The following TBC1D14 variants were observed in gnomAD, a reference collection of about 807,000 sequenced individuals.
TBC1D14 encodes TBC1 domain family, member 14.
TBC1D14 carries 26 observed loss-of-function variants against 79.0 expected under a neutral mutation model. The ratio of observed to expected loss-of-function variants is 0.33; its 90% confidence interval spans 0.24 to 0.46. The LOEUF (loss-of-function observed/expected upper bound fraction) is 0.46. Ranked by LOEUF, TBC1D14 falls within the 20% of genes least tolerant of loss-of-function variation. The pLI is 1.00. For missense variants in TBC1D14, 769 were observed against 887.6 expected (o/e 0.87, Z 1.70); for synonymous variants, 394 against 349.9 (o/e 1.13, Z -1.40).
chr4:6,937,488 AAC>A (rs1712452592), intron 2 of TBC1D14, among the ~76,000 whole-genome samples: 1 of 117,192 alleles, frequency 8.5e-6, no homozygotes, highest in Non-Finnish European at 2.0e-5. Context: ...TGGGGGCACA[AAC>A]CCTGGGGTTG....
intron 12 of TBC1D14, among the ~76,000 whole-genome samples, chr4:7,015,865 A>G (rs1721230745): frequency 6.6e-6 from 1 of 152,116 alleles, no homozygotes; most frequent in Admixed American, 6.5e-5. Context: ...GCACCACCCG[A>G]CTCATAGAAG....
At chr4:6,955,162 G>T (rs1256248753) in intron 2 of TBC1D14, among the ~76,000 whole-genome samples, 1 of 152,232 alleles carries the variant, frequency 6.6e-6, no homozygotes, top group African/African-American at 2.4e-5. Flanking sequence ...TCAGAGGGCT[G>T]GCCCTTTTCC....
chr4:7,020,228 T>C (rs1012124011), intron 12 of TBC1D14, among the ~76,000 whole-genome samples: 2 of 152,222 alleles, frequency 1.3e-5, no homozygotes, highest in African/African-American at 4.8e-5. Context: ...GCTGGATATA[T>C]GTCTAATTGC....
intron 12 of TBC1D14, among the ~76,000 whole-genome samples, chr4:7,019,392 C>G (rs1051107308): frequency 1.3e-5 from 2 of 152,006 alleles, no homozygotes; most frequent in African/African-American, 4.8e-5. Context: ...CTGCCTCTTG[C>G]ACTTGGGTCG....
chr4:6,917,821 A>G (rs768406800), intron 1 of TBC1D14, among the ~76,000 whole-genome samples: 23 of 152,290 alleles, frequency 1.5e-4, no homozygotes, highest in African/African-American at 5.3e-4. Context: ...AACTTCCCCT[A>G]TAAAGGGTAT....
intron 11 of TBC1D14, 90 bp from the exon 12 acceptor site, chr4:7,014,358 T>G: frequency 1.3e-6 from 1 of 759,174 alleles, no homozygotes; most frequent in South Asian, 1.6e-5. Flanking sequence ...AGGTAATTGT[T>G]AGAGTCTAAA....
chr4:7,026,257 G>T (rs553931551), intron 13 of TBC1D14, among the ~76,000 whole-genome samples: 134 of 152,182 alleles, frequency 8.8e-4, no homozygotes, highest in African/African-American at 3.0e-3. Context: ...GACTGTGGAA[G>T]CGCAGCGGCT....
intron 3 of TBC1D14, among the ~76,000 whole-genome samples, chr4:6,988,885 C>CTTTTTTTTTTTTTTTTTTTTTTTTTTTTT (rs34268749): frequency 1.4e-4 from 11 of 76,806 alleles, no homozygotes; most frequent in Non-Finnish European, 1.8e-4. Context: ...TTCTTTCTTT[C>CTTTTTTTTTTTTTTTTTTTTTTTTTTTTT]TTTTTTTTTT....
chr4:6,940,493 T>C (rs1353275566), intron 2 of TBC1D14, among the ~76,000 whole-genome samples: 2 of 151,968 alleles, frequency 1.3e-5, no homozygotes, highest in African/African-American at 4.8e-5. Flanking sequence ...GCTGGTCAGA[T>C]AGGTATAGCG....
At chr4:6,918,333 A>T (rs1027285845) in intron 1 of TBC1D14, among the ~76,000 whole-genome samples, 5 of 152,152 alleles carry the variant, frequency 3.3e-5, no homozygotes, top group Admixed American at 2.6e-4. Flanking sequence ...CCTAGGAAGG[A>T]TAGAGTTTTT....
intron 3 of TBC1D14, among the ~76,000 whole-genome samples, chr4:6,989,181 C>T (rs893063175): frequency 3.3e-5 from 5 of 152,302 alleles, no homozygotes; most frequent in African/African-American, 9.6e-5. Context: ...CCCTTCTTGT[C>T]TTTAGCACTG....
intron 2 of TBC1D14, among the ~76,000 whole-genome samples, chr4:6,927,393 G>A (rs1334601432): frequency 1.3e-5 from 2 of 152,124 alleles, no homozygotes; most frequent in Non-Finnish European, 2.9e-5. Flanking sequence ...TGGGCCTTGG[G>A]CAAGTTACCT....
At chr4:6,961,391 C>G (rs188396957) in intron 2 of TBC1D14, among the ~76,000 whole-genome samples, 1,809 of 148,746 alleles carry the variant, frequency 0.012, 16 homozygotes, top group Middle Eastern at 0.038. Flanking sequence ...ACTGTGACCC[C>G]CCAAATCTCT....
intron 8 of TBC1D14, among the ~76,000 whole-genome samples, chr4:7,006,201 A>T (rs1306211682): frequency 6.6e-6 from 1 of 152,148 alleles, no homozygotes; most frequent in Non-Finnish European, 1.5e-5. Flanking sequence ...GAAATATTAC[A>T]TGAGTATAAT....
At chr4:6,942,771 C>T (rs1713031939) in intron 2 of TBC1D14, among the ~76,000 whole-genome samples, 1 of 152,078 alleles carries the variant, frequency 6.6e-6, no homozygotes, top group South Asian at 2.1e-4. Flanking sequence ...AGGTGAGGGG[C>T]CAGTGGGTGG....
At chr4:6,974,518 A>T (rs1416497539) in intron 3 of TBC1D14, among the ~76,000 whole-genome samples, 1 of 152,206 alleles carries the variant, frequency 6.6e-6, no homozygotes, top group South Asian at 2.1e-4. Context: ...GCTTACGTAG[A>T]CTTGGAGAAC....
chr4:7,029,738 T>C (rs932827148), intron 13 of TBC1D14, among the ~76,000 whole-genome samples: 7 of 152,114 alleles, frequency 4.6e-5, no homozygotes, highest in Non-Finnish European at 1.0e-4. Flanking sequence ...GGCAGAAGAA[T>C]CTCTTGAACC....
At chr4:6,967,768 A>G (rs1038112958) in intron 3 of TBC1D14, among the ~76,000 whole-genome samples, 1 of 152,238 alleles carries the variant, frequency 6.6e-6, no homozygotes, top group Non-Finnish European at 1.5e-5. Context: ...ATTGTTTGAT[A>G]GTAAAGCTTT....
intron 13 of TBC1D14, among the ~76,000 whole-genome samples, chr4:7,026,952 C>T (rs1031751624): frequency 2.6e-5 from 4 of 152,236 alleles, no homozygotes; most frequent in East Asian, 1.9e-4. Flanking sequence ...GTGGCTCACG[C>T]CTGTAATCTC....
Sources: gnomAD v4.1 joint callset for allele counts (sites outside exome capture counted in the v4.1 genomes callset) on GRCh38, gnomAD v4.1.1 for gene constraint, MANE v1.5 for transcripts, NCBI Gene and HGNC (gene_info 2026-07-23, HGNC 2026-07-21) for gene names.